The following FAM20A variants were observed in gnomAD, a reference collection of about 807,000 sequenced individuals.
The protein encoded by FAM20A is FAM20A golgi associated secretory pathway pseudokinase.
Under a neutral mutation model 52.0 loss-of-function variants are expected in FAM20A, and 42 were observed. The observed-to-expected ratio is 0.81, with a 90% CI of 0.63 to 1.04. The LOEUF is 1.04. Among genes scored for constraint, FAM20A ranks in the 50% least tolerant of loss-of-function variants. The pLI, the probability that FAM20A is intolerant of heterozygous loss-of-function variation, is 0.00. For missense variants in FAM20A, 742 were observed against 712.7 expected (o/e 1.04, Z -0.47); for synonymous variants, 304 against 298.9 (o/e 1.02, Z -0.18).
chr17:68,543,309 T>C (rs1397403307), intron 5 of FAM20A, among the ~76,000 whole-genome samples: 3 of 152,164 alleles, frequency 2.0e-5, no homozygotes, highest in African/African-American at 7.2e-5. Context: ...ACAGTGAGAC[T>C]CCTTGGATAA....
intron 1 of FAM20A, among the ~76,000 whole-genome samples, chr17:68,563,440 C>T (rs1418101151): frequency 6.6e-6 from 1 of 151,288 alleles, no homozygotes; most frequent in Non-Finnish European, 1.5e-5. Context: ...GTGCCATGCA[C>T]TTGCACTGGC....
rs562961894 is a variant in FAM20A, at chr17:68,567,351, T to C, written c.405-11608A>G. On this transcript the variant is annotated intron_variant, in intron 1 of 10. Coordinates refer to ENST00000592554, the MANE Select transcript of FAM20A (RefSeq NM_017565.4). ...GCCAGATTTTGTCTGCAGGCCACAG[T>C]TTGCCAACCCCTGCCTTAAAAACAT... is the stretch of plus-strand genomic sequence containing the variant. Among the ~76,000 whole-genome samples the C allele has an allele frequency of 1.1e-4, 16 of 152,040 alleles. 1 individual carries two copies. Among genetic ancestry groups the C allele is most frequent in the Admixed American group, 7.2e-4 (11 of 15,282 alleles).
intron 1 of FAM20A, among the ~76,000 whole-genome samples, chr17:68,564,957 C>T (rs574431087): frequency 1.3e-5 from 2 of 152,112 alleles, no homozygotes; most frequent in Non-Finnish European, 2.9e-5. Context: ...GAAGACTGGG[C>T]GGCTCCCCAT....
rs2088615103 is a variant in FAM20A at position 68,601,217 on chromosome 17, T to G, written c.-551A>C. On this transcript the variant is annotated 5_prime_UTR_variant, in exon 1 of 11. Transcript: ENST00000592554. The stretch of plus-strand genomic sequence containing the variant: ...GGCACGGGCGGCGCGAGTGGGGAGT[T>G]GGCGAAGCAGGAGCGGCTCCGGGGA... The G allele has an allele frequency of 6.6e-6, 1 of 152,196 alleles. No homozygotes were observed. The highest frequency in any genetic ancestry group is 1.5e-5 in the Non-Finnish European group (1 of 68,122). 9.4% of individuals were successfully genotyped at this position (152,196 alleles called of 1,614,324 possible).
At chr17:68,539,853 G>A (rs758086484) in intron 9 of FAM20A, 32 bp downstream of exon 9, 1 of 1,603,918 alleles carries the variant, frequency 6.2e-7, no homozygotes, top group Non-Finnish European at 8.5e-7. Context: ...ATCTGGGAGA[G>A]GGGATTGTTG....
intron 6 of FAM20A, among the ~76,000 whole-genome samples, 185 bp from the exon 7 acceptor site, chr17:68,542,350 C>T (rs948230073): frequency 6.6e-6 from 1 of 152,194 alleles, no homozygotes; most frequent in Admixed American, 6.5e-5. Flanking sequence ...AGCTGAACCT[C>T]CTGGGAACCT....
chr17:68,561,491 T>C (rs1051927141), intron 1 of FAM20A, among the ~76,000 whole-genome samples: 2 of 152,220 alleles, frequency 1.3e-5, no homozygotes, highest in African/African-American at 4.8e-5. Context: ...CTCCATTCTG[T>C]TTCATGCTCT....
chr17:68,547,584 CTT>C (rs752761964), intron 4 of FAM20A, among the ~76,000 whole-genome samples: 11 of 152,184 alleles, frequency 7.2e-5, no homozygotes, highest in Non-Finnish European at 2.9e-5. Flanking sequence ...GGCTTTTTTC[CTT>C]AAGCCTGGTG....
At chr17:68,572,669 C>G (rs1234960647) in intron 1 of FAM20A, among the ~76,000 whole-genome samples, 1 of 152,208 alleles carries the variant, frequency 6.6e-6, no homozygotes, top group Non-Finnish European at 1.5e-5. Flanking sequence ...AACGAGCTGA[C>G]TCATCATCAG....
At chr17:68,546,137 A>G (rs1041272124) in intron 4 of FAM20A, among the ~76,000 whole-genome samples, 13 of 146,922 alleles carry the variant, frequency 8.8e-5, no homozygotes, top group African/African-American at 3.1e-4. Flanking sequence ...CCACTGCACT[A>G]CAGCCTGAGC....
At chr17:68,573,460 T>C (rs747645243) in intron 1 of FAM20A, among the ~76,000 whole-genome samples, 53 of 45,026 alleles carry the variant, frequency 1.2e-3, no homozygotes, top group South Asian at 2.7e-3. Context: ...TTCTTTCTTC[T>C]TTCTTTCTTT....
At chr17:68,572,232 A>G (rs2143804882) in intron 1 of FAM20A, among the ~76,000 whole-genome samples, 1 of 151,772 alleles carries the variant, frequency 6.6e-6, no homozygotes, top group East Asian at 1.9e-4. Context: ...GTATGTAGAA[A>G]TATTTCTTGA....
At chr17:68,565,068 G>T (rs77379386) in intron 1 of FAM20A, among the ~76,000 whole-genome samples, 1 of 152,008 alleles carries the variant, frequency 6.6e-6, no homozygotes, top group Admixed American at 6.5e-5. Flanking sequence ...TGGATCCCCC[G>T]CCTCCAAAGG....
At chr17:68,564,513 A>G (rs1475571921) in intron 1 of FAM20A, among the ~76,000 whole-genome samples, 2 of 152,238 alleles carry the variant, frequency 1.3e-5, no homozygotes, top group African/African-American at 4.8e-5. Context: ...CATGTATGTC[A>G]TACTTGCATT....
intron 1 of FAM20A, among the ~76,000 whole-genome samples, chr17:68,570,120 G>C (rs2087498985): frequency 6.6e-6 from 1 of 152,118 alleles, no homozygotes; most frequent in South Asian, 2.1e-4. Context: ...TTGTCGCCCA[G>C]GCTGGAGTGC....
At chr17:68,584,860 A>G (rs1459669418) in intron 1 of FAM20A, among the ~76,000 whole-genome samples, 4 of 152,196 alleles carry the variant, frequency 2.6e-5, no homozygotes, top group Admixed American at 2.0e-4. Flanking sequence ...ATGATTTTAT[A>G]GCTAATAACA....
intron 2 of FAM20A, among the ~76,000 whole-genome samples, chr17:68,555,177 C>G (rs371696177): frequency 6.6e-6 from 1 of 152,196 alleles, no homozygotes; most frequent in Non-Finnish European, 1.5e-5. Flanking sequence ...AATTCCAGCT[C>G]CACCCCCTAG....
At chr17:68,541,298 A>G (rs2086280399) in intron 7 of FAM20A, 1 of 348,102 alleles carries the variant, frequency 2.9e-6, no homozygotes, top group South Asian at 2.6e-5. Flanking sequence ...AGCCTCTTGG[A>G]CCCTGCGCCA....
intron 4 of FAM20A, 111 bp downstream of exon 4, chr17:68,551,762 A>G: frequency 1.4e-6 from 1 of 690,422 alleles, no homozygotes; most frequent in East Asian, 2.9e-5. Context: ...CAGATTAGAG[A>G]ATCTCTGAAT....
Sources: allele counts gnomAD v4.1 joint callset (sites outside exome capture counted in the v4.1 genomes callset), GRCh38; gene constraint gnomAD v4.1.1; transcripts MANE v1.5; gene names NCBI Gene and HGNC (gene_info 2026-07-23, HGNC 2026-07-21).